PDE11A: variants seen among roughly 807,000 people sequenced by gnomAD.
PDE11A encodes dual 3',5'-cyclic-AMP and -GMP phosphodiesterase 11A.
A neutral mutation model predicts 100.5 loss-of-function variants in PDE11A; 100 were observed. The ratio of observed to expected loss-of-function variants is 1.00; its 90% CI spans 0.85 to 1.18. The LOEUF (loss-of-function observed/expected upper bound fraction) is 1.18, where lower values mean the gene tolerates loss of function less well. Among genes scored for constraint, PDE11A ranks in the 50% most tolerant of loss-of-function variants. The probability of loss-of-function intolerance (pLI) is 0.00; values close to 1 mark genes in which losing one functional copy is unlikely to be tolerated. For missense variants in PDE11A, 1,141 were observed against 1,152.6 expected (o/e 0.99, Z 0.15); for synonymous variants, 381 against 420.8 (o/e 0.91, Z 1.16).
At chr2:177,731,701 G>A (rs1333598006) in intron 10 of PDE11A, among the ~76,000 whole-genome samples, 1 of 152,162 alleles carries the variant, frequency 6.6e-6, no homozygotes, top group African/African-American at 2.4e-5. Flanking sequence ...CTGTTTATAA[G>A]CCCATCTTCA....
chr2:178,031,889 T>C (rs1574354404), intron 1 of PDE11A, among the ~76,000 whole-genome samples: 1 of 152,074 alleles, frequency 6.6e-6, no homozygotes, highest in Non-Finnish European at 1.5e-5. Flanking sequence ...GAACAAGTCA[T>C]AGGGGTTGGG....
intron 1 of PDE11A, among the ~76,000 whole-genome samples, chr2:178,037,588 A>T (rs1210445257): frequency 6.6e-6 from 1 of 152,232 alleles, no homozygotes; most frequent in East Asian, 1.9e-4. Flanking sequence ...TTATTGCAGC[A>T]CTATTTACAA....
rs753985162 is a variant in PDE11A, at chr2:177,625,420, C to T, written c.*3987G>A. The T allele has an allele frequency of 1.3e-5, 2 of 152,700 alleles. No homozygotes were observed. Among genetic ancestry groups the T allele is most frequent in the South Asian group, 4.2e-4 (2 of 4,816 alleles). The allele number at this position is 152,700 out of a possible 1,614,324, so 9.5% of individuals were successfully genotyped here. A position where few individuals can be genotyped will look rare whatever the true frequency, so the allele number is the denominator to read the frequency against. On this transcript the variant is annotated 3_prime_UTR_variant, in exon 20 of 20. Transcript: ENST00000286063. ...CTGGTGGCCAAGCTAGGAGGGAGTT[C>T]CAGTCTGCTATGCACTGAATGGCAC...
At chr2:177,896,298 T>G (rs2084611151) in intron 4 of PDE11A, among the ~76,000 whole-genome samples, 1 of 152,248 alleles carries the variant, frequency 6.6e-6, no homozygotes, top group Non-Finnish European at 1.5e-5. Context: ...ACTTCCATCA[T>G]CTATATTTTT....
intron 2 of PDE11A, among the ~76,000 whole-genome samples, chr2:177,970,784 AAAG>A (rs971852306): frequency 7.9e-5 from 12 of 152,318 alleles, no homozygotes; most frequent in African/African-American, 2.4e-4. Flanking sequence ...CTTCAAGATA[AAAG>A]AAGGTAAAAG....
intron 1 of PDE11A, chr2:178,018,396 CG>C: frequency 2.0e-6 from 1 of 505,296 alleles, no homozygotes; most frequent in South Asian, 1.5e-5. Flanking sequence ...TAACCTTTGC[CG>C]GGCTTTGTGA....
chr2:177,980,605 A>G (rs1328819185), intron 2 of PDE11A, among the ~76,000 whole-genome samples: 1 of 150,822 alleles, frequency 6.6e-6, no homozygotes, highest in Non-Finnish European at 1.5e-5. Flanking sequence ...TTAGTTTTTT[A>G]TGAAGACATT....
At chr2:177,992,973 A>G (rs2086022419) in intron 2 of PDE11A, among the ~76,000 whole-genome samples, 1 of 152,112 alleles carries the variant, frequency 6.6e-6, no homozygotes, top group Non-Finnish European at 1.5e-5. Context: ...GATTCTCCGC[A>G]AGCAGAAACA....
intron 2 of PDE11A, among the ~76,000 whole-genome samples, chr2:177,987,971 T>C (rs1199999241): frequency 6.6e-6 from 1 of 152,178 alleles, no homozygotes; most frequent in Non-Finnish European, 1.5e-5. Context: ...GAGGAGAGAC[T>C]ATAAACACAA....
chr2:178,032,922 T>A (rs1320575570), intron 1 of PDE11A, among the ~76,000 whole-genome samples: 2 of 151,806 alleles, frequency 1.3e-5, no homozygotes, highest in African/African-American at 4.8e-5. Flanking sequence ...GGTAGATAAA[T>A]CCATGAAGAT....
At chr2:177,929,448 C>T (rs1282449254) in intron 2 of PDE11A, among the ~76,000 whole-genome samples, 1 of 152,164 alleles carries the variant, frequency 6.6e-6, no homozygotes, top group Non-Finnish European at 1.5e-5. Context: ...CTACTATACT[C>T]TGAGTAACTG....
In PDE11A at chr2:177,785,205, A is replaced by G. The variant is rs571493178; in HGVS notation, c.1738-15832T>C. Among the ~76,000 whole-genome samples the G allele has an allele frequency of 2.6e-5, 4 of 152,260 alleles. No individual in the cohort carries two copies. In the South Asian group the frequency reaches 8.3e-4, roughly 32 times the overall value. The stretch of plus-strand genomic sequence containing the variant: ...AGGTGAGAAATATATGCACTTTTCA[A>G]TCATATTTCACTGGCCAGAGCAAGT... On this transcript the variant is annotated intron_variant, in intron 9 of 19. Coordinates refer to ENST00000286063, the MANE Select transcript of PDE11A (RefSeq NM_016953.4).
intron 13 of PDE11A, among the ~76,000 whole-genome samples, chr2:177,704,953 G>GC (rs1475238322): frequency 6.6e-6 from 1 of 152,090 alleles, no homozygotes; most frequent in Non-Finnish European, 1.5e-5. Context: ...CGACTCTCTT[G>GC]CCTCAGCCTC....
chr2:177,670,587 C>T (rs73979510), intron 17 of PDE11A, among the ~76,000 whole-genome samples: 5,535 of 152,116 alleles, frequency 0.036, 330 homozygotes, highest in African/African-American at 0.12. Context: ...GGCATGGATA[C>T]CAAACAAATT....
chr2:177,813,495 G>C (rs886610347), intron 9 of PDE11A, among the ~76,000 whole-genome samples: 10 of 152,074 alleles, frequency 6.6e-5, no homozygotes, highest in African/African-American at 1.9e-4. Context: ...CTTCCAGTGA[G>C]CTCTGAGTGT....
At position 178,072,358 on chromosome 2, in the gene PDE11A, A is replaced by T; in HGVS notation, c.80T>A (p.Met27Lys). 1 of 1,613,926 alleles carries T rather than the reference A, an allele frequency of 6.2e-7. No individual in the cohort carries two copies. The highest frequency in any genetic ancestry group is 8.5e-7 in the Non-Finnish European group (1 of 1,180,040). The change falls in exon 1 of 20, where the codon ATG becomes AAG. Residue 27 changes from methionine to lysine, a missense_variant. Coordinates refer to ENST00000286063, the MANE Select transcript of PDE11A (RefSeq NM_016953.4). ...RHPELFEDYL[M>K]RKGKQEMVEK... ...AACCATCTCCTGCTTCCCCTTCCGC[A>T]TCAAGTAATCTTCAAACAACTCTGG...
intron 5 of PDE11A, among the ~76,000 whole-genome samples, chr2:177,859,386 C>T (rs2083904448): frequency 6.6e-6 from 1 of 151,198 alleles, no homozygotes; most frequent in African/African-American, 2.4e-5. Flanking sequence ...TATATCTATA[C>T]AATAAAATAT....
intron 19 of PDE11A, among the ~76,000 whole-genome samples, chr2:177,641,652 A>T (rs1027696509): frequency 2.8e-4 from 43 of 152,204 alleles, no homozygotes; most frequent in African/African-American, 1.0e-3. Flanking sequence ...TAATGTATTA[A>T]CTACCATAGA....
At chr2:178,075,984 G>T (rs901787882), upstream of PDE11A, among the ~76,000 whole-genome samples, 1 of 152,108 alleles carries the variant, frequency 6.6e-6, no homozygotes, top group South Asian at 2.1e-4. Flanking sequence ...TAATTCCATC[G>T]AAACTATCTA....
Sources: gnomAD v4.1 joint callset for allele counts (sites outside exome capture counted in the v4.1 genomes callset) on GRCh38, gnomAD v4.1.1 for gene constraint, MANE v1.5 for transcripts, NCBI Gene and HGNC (gene_info 2026-07-23, HGNC 2026-07-21) for gene names.